The following MAP3K12 variants were observed in gnomAD, a reference collection of about 807,000 sequenced individuals.
MAP3K12 encodes mitogen-activated protein kinase kinase kinase 12.
In MAP3K12, 14 loss-of-function variants were observed where a neutral mutation model predicts 87.5. The ratio of observed to expected loss-of-function variants is 0.16; its 90% CI spans 0.11 to 0.25. The LOEUF is 0.25. Among genes scored for constraint, MAP3K12 ranks in the 10% least tolerant of loss-of-function variants. The pLI is 1.00. For missense variants in MAP3K12, 802 were observed against 1,140.4 expected (o/e 0.70, Z 4.27); for synonymous variants, 469 against 452.5 (o/e 1.04, Z -0.46).
At position 53,481,784 on chromosome 12, in the gene MAP3K12, C is replaced by G; in HGVS notation, c.2580+157G>C. 9.5e-6 allele frequency: 8 copies of G among 839,648 alleles called. No homozygotes were observed. In the South Asian group the frequency reaches 1.5e-4, roughly 16 times the overall value. 52.0% of individuals were successfully genotyped at this position (839,648 alleles called of 1,614,324 possible). A position where few individuals can be genotyped will look rare whatever the true frequency, so the allele number is the denominator to read the frequency against. ...CTGGTCAGGCATCGTAATAGATGCT[C>G]TGTGCAAGAGGCTTCTGAAATTCCA... On this transcript the variant is annotated intron_variant, in intron 13 of 13. Transcript: ENST00000547488.
In MAP3K12 at chr12:53,482,698, A is replaced by G; in HGVS notation, c.2105T>C (p.Val702Ala). 1 of 1,613,838 alleles carries G rather than the reference A, an allele frequency of 6.2e-7. No individual in the cohort carries two copies. The part of the protein sequence containing the change: ...GGAKGEPPPP[V>A]GPGEGVGLLG... ...AAGCCCCACACCTTCACCAGGCCCT[A>G]CTGGAGGAGGTGGTTCCCCTTTGGC... The change falls in exon 11 of 14, where the codon GTA becomes GCA. Residue 702 changes from valine to alanine, a missense_variant. Val to Ala is a moderately conservative substitution (Grantham distance 64). Transcript: ENST00000547488.
chr12:53,481,657 G>A (rs1361720973), intron 13 of MAP3K12: 14 of 410,240 alleles, frequency 3.4e-5, no homozygotes, highest in Middle Eastern at 6.8e-4. Flanking sequence ...CAGCTTACTG[G>A]TTTTATTCCT....
chr12:53,493,226 T>C (rs1030351260), intron 1 of MAP3K12, among the ~76,000 whole-genome samples: 3 of 152,030 alleles, frequency 2.0e-5, no homozygotes, highest in Non-Finnish European at 2.9e-5. Flanking sequence ...GGGGCGGGGC[T>C]GTGCCTGGGC....
chr12:53,498,900 C>T (rs1001489907), intron 1 of MAP3K12, among the ~76,000 whole-genome samples: 1 of 134,380 alleles, frequency 7.4e-6, no homozygotes, highest in South Asian at 2.4e-4. Context: ...ATCTTCAGGT[C>T]CAGCCTGCTG....
At position 53,481,928 on chromosome 12, in the gene MAP3K12, T is replaced by G. The variant is rs1399808287; in HGVS notation, c.2580+13A>C. 3.1e-6 allele frequency: 5 copies of G among 1,608,570 alleles called. No individual in the cohort carries two copies. Among genetic ancestry groups the G allele is most frequent in the Non-Finnish European group, 4.3e-6 (5 of 1,175,894 alleles). On this transcript the variant is annotated intron_variant, in intron 13 of 13. Coordinates refer to ENST00000547488, the MANE Select transcript of MAP3K12 (RefSeq NM_001193511.2). ...CCTGTTCAATATCTGCTTTTTGCTG[T>G]TGTGCCACTCACCCGCTCTCTGAGA... is the stretch of plus-strand genomic sequence containing the variant.
intron 1 of MAP3K12, among the ~76,000 whole-genome samples, chr12:53,494,619 C>G (rs542227379): frequency 6.6e-6 from 1 of 152,292 alleles, no homozygotes; most frequent in Non-Finnish European, 1.5e-5. Context: ...GTCTTAGGGG[C>G]TCAGTTCAGA....
chr12:53,498,785 C>T (rs1943596969), intron 1 of MAP3K12, among the ~76,000 whole-genome samples: 1 of 151,586 alleles, frequency 6.6e-6, no homozygotes, highest in African/African-American at 2.4e-5. Flanking sequence ...AGGTGAATGC[C>T]ACAGCTGGAG....
At chr12:53,499,846 C>T (rs1943644113), upstream of MAP3K12, among the ~76,000 whole-genome samples, 1 of 152,248 alleles carries the variant, frequency 6.6e-6, no homozygotes, top group Admixed American at 6.5e-5. Flanking sequence ...GGAGGTCCCA[C>T]CTCAGGCCTC....
chr12:53,496,814 T>A (rs1408485138), intron 1 of MAP3K12, among the ~76,000 whole-genome samples: 1 of 152,256 alleles, frequency 6.6e-6, no homozygotes, highest in Non-Finnish European at 1.5e-5. Flanking sequence ...TTCACTTAGC[T>A]TATTAGGACA....
chr12:53,488,267 T>C (rs1315976887), intron 1 of MAP3K12, among the ~76,000 whole-genome samples: 1 of 152,116 alleles, frequency 6.6e-6, no homozygotes, highest in Non-Finnish European at 1.5e-5. Context: ...TCAAACAAGG[T>C]CTTGTCTTCT....
chr12:53,489,683 ATC>A (rs1348241430), intron 1 of MAP3K12, among the ~76,000 whole-genome samples: 1 of 152,184 alleles, frequency 6.6e-6, no homozygotes, highest in African/African-American at 2.4e-5. Flanking sequence ...AGTGGCAGGA[ATC>A]TCTACATCTA....
chr12:53,488,865 AG>A (rs1943320143), intron 1 of MAP3K12, among the ~76,000 whole-genome samples: 1 of 151,804 alleles, frequency 6.6e-6, no homozygotes. Flanking sequence ...GGATCGCTTG[AG>A]GTCAGGAGTT....
At chr12:53,496,806 C>T (rs1318495238) in intron 1 of MAP3K12, among the ~76,000 whole-genome samples, 1 of 152,204 alleles carries the variant, frequency 6.6e-6, no homozygotes, top group East Asian at 1.9e-4. Flanking sequence ...TGCATTCCTT[C>T]ACTTAGCTTA....
chr12:53,488,975 G>A (rs113516398), intron 1 of MAP3K12, among the ~76,000 whole-genome samples: 2,226 of 151,462 alleles, frequency 0.015, 18 homozygotes, highest in Non-Finnish European at 0.024. Flanking sequence ...AGCTACTCGG[G>A]AGGCTGAGGC....
chr12:53,492,277 T>G (rs949146635), intron 1 of MAP3K12, among the ~76,000 whole-genome samples: 1 of 152,024 alleles, frequency 6.6e-6, no homozygotes, highest in Non-Finnish European at 1.5e-5. Context: ...GGACGGACAA[T>G]GTAGTCGGGC....
At chr12:53,497,192 A>T (rs1226275628) in intron 1 of MAP3K12, among the ~76,000 whole-genome samples, 1 of 152,230 alleles carries the variant, frequency 6.6e-6, no homozygotes, top group African/African-American at 2.4e-5. Context: ...TGATTAAGAA[A>T]ATCAAAATAA....
chr12:53,499,011 G>A (rs1458229494), intron 1 of MAP3K12, among the ~76,000 whole-genome samples: 2 of 131,784 alleles, frequency 1.5e-5, no homozygotes, highest in Admixed American at 1.6e-4. Flanking sequence ...TGTGGAGATG[G>A]TGGGTATATC....
At chr12:53,484,137 C>G in intron 7 of MAP3K12, 117 bp from the exon 8 acceptor site, 1 of 1,369,616 alleles carries the variant, frequency 7.3e-7, no homozygotes, top group Non-Finnish European at 1.0e-6. Flanking sequence ...TGGATTGACT[C>G]AGCCCTCTAA....
In MAP3K12 at chr12:53,479,671, G is replaced by GTTTTTTTTTTTTTTGT. The variant is rs879244280; in HGVS notation, c.*1510_*1511insACAAAAAAAAAAAAAA. On this transcript the variant is annotated 3_prime_UTR_variant, in exon 14 of 14. Transcript: ENST00000547488. Reference sequence around the variant, plus strand: ...ATTTAGTTTTATAAGCTTCTCCCTGGTTTTTTTTTTTTGGCTCATGAATTT... The same window carrying GTTTTTTTTTTTTTTGT: ...ATTTAGTTTTATAAGCTTCTCCCTGGTTTTTTTTTTTTTTGTTTTTTTTTTTTTGGCTCATGAATTT... The GTTTTTTTTTTTTTTGT allele has an allele frequency of 7.7e-4, 160 of 206,726 alleles. No individual in the cohort carries two copies. Among genetic ancestry groups the GTTTTTTTTTTTTTTGT allele is most frequent in the Non-Finnish European group, 1.2e-3 (133 of 108,814 alleles). The allele number at this position is 206,726 out of a possible 1,614,324, so 12.8% of individuals were successfully genotyped here.
Sources: allele counts gnomAD v4.1 joint callset (sites outside exome capture counted in the v4.1 genomes callset), GRCh38; gene constraint gnomAD v4.1.1; transcripts MANE v1.5; gene names NCBI Gene and HGNC (gene_info 2026-07-23, HGNC 2026-07-21).